ZFPM2: variants seen among roughly 807,000 people sequenced by gnomAD.
ZFPM2 encodes the protein zinc finger protein, FOG family member 2.
Under a neutral mutation model 98.6 loss-of-function variants are expected in ZFPM2, and 20 were observed. That is an observed-to-expected ratio of 0.20 (90% CI 0.14 to 0.29). The LOEUF (loss-of-function observed/expected upper bound fraction) is 0.29. Among genes scored for constraint, ZFPM2 ranks in the 10% least tolerant of loss-of-function variants. The pLI, the probability that ZFPM2 is intolerant of heterozygous loss-of-function variation, is 1.00. For synonymous variants in ZFPM2, 518 were observed against 502.7 expected, an observed-to-expected ratio of 1.03 and a Z score of -0.41; for missense variants, 1,310 against 1,388.6, an observed-to-expected ratio of 0.94 and a Z score of 0.90.
At chr8:105,449,488 A>C (rs1812443749) in intron 3 of ZFPM2, among the ~76,000 whole-genome samples, 1 of 152,078 alleles carries the variant, frequency 6.6e-6, no homozygotes, top group Non-Finnish European at 1.5e-5. Flanking sequence ...AAAATCAAAC[A>C]CTATATTGAT....
chr8:105,363,504 A>G (rs1810447381), intron 1 of ZFPM2, among the ~76,000 whole-genome samples: 1 of 152,136 alleles, frequency 6.6e-6, no homozygotes, highest in African/African-American at 2.4e-5. Context: ...ATATTCTACT[A>G]CATGCTTTAA....
At chr8:105,602,231 C>T (rs1816107229) in intron 4 of ZFPM2, among the ~76,000 whole-genome samples, 1 of 151,988 alleles carries the variant, frequency 6.6e-6, no homozygotes, top group Non-Finnish European at 1.5e-5. Context: ...TATCGGAAGA[C>T]ACTTCATAAG....
At chr8:105,340,933 A>G (rs556930751) in intron 1 of ZFPM2, among the ~76,000 whole-genome samples, 71 of 152,054 alleles carry the variant, frequency 4.7e-4, no homozygotes, top group African/African-American at 1.7e-3. Flanking sequence ...CAAATTTCCT[A>G]GACTTAATGC....
intron 3 of ZFPM2, among the ~76,000 whole-genome samples, chr8:105,459,870 T>C (rs1170004951): frequency 1.3e-5 from 2 of 151,696 alleles, no homozygotes; most frequent in African/African-American, 4.8e-5. Context: ...CATAGTGGAG[T>C]GGATACGGTG....
At chr8:105,759,580 T>TTGTGTGTGTGTG (rs5893760) in intron 5 of ZFPM2, among the ~76,000 whole-genome samples, 10 of 146,890 alleles carry the variant, frequency 6.8e-5, no homozygotes, top group African/African-American at 2.5e-4. Context: ...TTGATAATCC[T>TTGTGTGTGTGTG]TGTGTGTGTG....
intron 5 of ZFPM2, among the ~76,000 whole-genome samples, chr8:105,643,968 C>T (rs1163737753): frequency 6.6e-6 from 1 of 152,144 alleles, no homozygotes; most frequent in African/African-American, 2.4e-5. Flanking sequence ...TATACATTGT[C>T]TATGGCCACT....
intron 5 of ZFPM2, among the ~76,000 whole-genome samples, chr8:105,656,205 AC>A (rs1817283114): frequency 6.6e-6 from 1 of 152,112 alleles, no homozygotes; most frequent in African/African-American, 2.4e-5. Flanking sequence ...TTTACATAGA[AC>A]CAACTAAGAA....
chr8:105,522,012 A>G (rs531386376), intron 3 of ZFPM2, among the ~76,000 whole-genome samples: 1 of 152,398 alleles, frequency 6.6e-6, no homozygotes, highest in Non-Finnish European at 1.5e-5. Context: ...AAAGAGTAGT[A>G]CAGAATTCAT....
intron 5 of ZFPM2, among the ~76,000 whole-genome samples, chr8:105,689,755 T>C (rs1159987597): frequency 6.6e-6 from 1 of 152,188 alleles, no homozygotes; most frequent in Non-Finnish European, 1.5e-5. Context: ...AGATGGAAAC[T>C]GCTTTGGTTT....
At chr8:105,618,614 G>A (rs1422872667) in intron 4 of ZFPM2, among the ~76,000 whole-genome samples, 1 of 152,076 alleles carries the variant, frequency 6.6e-6, no homozygotes, top group Non-Finnish European at 1.5e-5. Flanking sequence ...TGCTTACATG[G>A]AATAACATAT....
intron 5 of ZFPM2, among the ~76,000 whole-genome samples, chr8:105,694,211 C>T (rs538977320): frequency 3.0e-4 from 45 of 151,994 alleles, no homozygotes; most frequent in Non-Finnish European, 5.7e-4. Context: ...TGGTCTCAAT[C>T]TCCTGACCTT....
At chr8:105,685,296 T>G (rs1442885664) in intron 5 of ZFPM2, among the ~76,000 whole-genome samples, 1 of 152,110 alleles carries the variant, frequency 6.6e-6, no homozygotes, top group Non-Finnish European at 1.5e-5. Flanking sequence ...GCTAACATAT[T>G]GCATAGAATT....
intron 1 of ZFPM2, among the ~76,000 whole-genome samples, chr8:105,413,687 C>G (rs529553832): frequency 2.6e-5 from 4 of 151,790 alleles, no homozygotes; most frequent in South Asian, 2.1e-4. Context: ...AAAACAGGAG[C>G]TGGCAACTTG....
chr8:105,436,110 C>T (rs1414224023), intron 2 of ZFPM2, among the ~76,000 whole-genome samples: 4 of 152,174 alleles, frequency 2.6e-5, no homozygotes, highest in African/African-American at 9.6e-5. Flanking sequence ...GCTCAGTAAG[C>T]AATGGTAATT....
At chr8:105,419,119 A>G (rs1249804662) in intron 1 of ZFPM2, 25 bp from the exon 2 acceptor site, 3 of 1,601,422 alleles carry the variant, frequency 1.9e-6, no homozygotes, top group South Asian at 1.1e-5. Context: ...TATTTTTGGT[A>G]CAGTTTCCCT....
intron 3 of ZFPM2, among the ~76,000 whole-genome samples, chr8:105,455,810 G>A (rs1812578118): frequency 6.6e-6 from 1 of 152,190 alleles, no homozygotes; most frequent in Non-Finnish European, 1.5e-5. Flanking sequence ...AAGATGATGA[G>A]TTGGATTTTT....
chr8:105,752,538 T>A (rs1812504029), intron 5 of ZFPM2, among the ~76,000 whole-genome samples: 1 of 152,178 alleles, frequency 6.6e-6, no homozygotes, highest in South Asian at 2.1e-4. Flanking sequence ...TTAAAGCCCG[T>A]GGACGTTCTC....
chr8:105,737,427 A>G (rs920243437), intron 5 of ZFPM2: 18 of 153,470 alleles, frequency 1.2e-4, no homozygotes, highest in African/African-American at 4.1e-4. Context: ...TGGGTGCAGC[A>G]TCTGTCAGGC....
In ZFPM2 at chr8:105,429,445, A is replaced by AATATATATATATATATATATATATATAT. The variant is rs142230291; in HGVS notation, c.199+10163_199+10164insATATATATATATATATATATATATATAT. On this transcript the variant is annotated intron_variant, in intron 2 of 7. Transcript: ENST00000407775. ...AAAACGTGCACAAGTTAGACAAGGA[A>AATATATATATATATATATATATATATAT]ATATATATATATATATATATGGAAA... Among the ~76,000 whole-genome samples the AATATATATATATATATATATATATATAT allele has an allele frequency of 8.6e-4, 119 of 138,314 alleles. 2 individuals are homozygous for AATATATATATATATATATATATATATAT. Among genetic ancestry groups the AATATATATATATATATATATATATATAT allele is most frequent in the African/African-American group, 3.3e-3 (104 of 31,978 alleles). 90.7% of individuals were successfully genotyped at this position (138,314 alleles called of 152,430 possible). A position where few individuals can be genotyped will look rare whatever the true frequency, so the allele number is the denominator to read the frequency against.
Sources: gnomAD v4.1 joint callset for allele counts (sites outside exome capture counted in the v4.1 genomes callset) on GRCh38, gnomAD v4.1.1 for gene constraint, MANE v1.5 for transcripts, NCBI Gene and HGNC (gene_info 2026-07-23, HGNC 2026-07-21) for gene names.